CCDC68: variants seen among roughly 807,000 people sequenced by gnomAD.
The protein encoded by CCDC68 is coiled-coil domain-containing protein 68.
Under a neutral mutation model 47.1 loss-of-function variants are expected in CCDC68, and 45 were observed. That is an observed-to-expected ratio of 0.96 (90% CI 0.75 to 1.23). The LOEUF is 1.23. Among genes scored for constraint, CCDC68 ranks in the 50% most tolerant of loss-of-function variants. The pLI is 0.00. For missense variants in CCDC68, 353 were observed against 373.6 expected (o/e 0.94, Z 0.45); for synonymous variants, 131 against 129.5 (o/e 1.01, Z -0.08).
Position 54,916,006 on chromosome 18 carries a change from A to G in CCDC68, c.873+1907T>C, listed in dbSNP as rs370892106. On this transcript the variant is annotated intron_variant, in intron 10 of 11. Transcript: ENST00000591504. ...AAGAAAAAATATTTTATCAAGTAAC[A>G]TTTGCCAAAAAGCCACTAAGAAAGG... Among the ~76,000 whole-genome samples the G allele has an allele frequency of 1.4e-3, 209 of 152,288 alleles. No homozygotes were observed. The South Asian group carries it at 0.015, about 11-fold the overall frequency.
At chr18:54,912,060 A>C (rs1297496414) in intron 10 of CCDC68, among the ~76,000 whole-genome samples, 1 of 152,228 alleles carries the variant, frequency 6.6e-6, no homozygotes, top group African/African-American at 2.4e-5. Context: ...TTATTGACAT[A>C]GTTTTCACAA....
chr18:54,917,960 T>G lies in CCDC68; in HGVS notation c.826A>C (p.Lys276Gln). 1 of 1,566,622 alleles carries G rather than the reference T, an allele frequency of 6.4e-7. No individual in the cohort carries two copies. The change falls in exon 10 of 12, where the codon AAA (lysine) becomes CAA (glutamine). Residue 276 changes from lysine to glutamine, a missense_variant. Physicochemically the swap from Lys to Gln is moderately conservative, Grantham distance 53. Transcript: ENST00000591504. ...GLKNNLKEQDKRIENLREKVN... is the reference protein window; with the variant it reads ...GLKNNLKEQDQRIENLREKVN... ...TTTTCTCTGAGATTTTCAATTCTTT[T>G]GTCTTGTTCTTTTAAATTATTTTTT...
At chr18:54,936,005 TTGAG>T (rs1206246651) in intron 6 of CCDC68, among the ~76,000 whole-genome samples, 1 of 151,448 alleles carries the variant, frequency 6.6e-6, no homozygotes, top group Non-Finnish European at 1.5e-5. Context: ...AAGAATATGT[TTGAG>T]TGTCTGTACA....
chr18:54,941,235 T>G (rs1444020347), intron 3 of CCDC68, 152 bp from the exon 4 acceptor site: 1 of 593,870 alleles, frequency 1.7e-6, no homozygotes, highest in East Asian at 2.8e-5. Flanking sequence ...ACCATCAACC[T>G]AACTTGCATT....
intron 1 of CCDC68, among the ~76,000 whole-genome samples, chr18:54,946,145 T>A (rs1248508182): frequency 6.6e-6 from 1 of 152,184 alleles, no homozygotes; most frequent in Non-Finnish European, 1.5e-5. Flanking sequence ...TCAAGACACA[T>A]GAAAATTATA....
At chr18:54,930,614 C>CCTT (rs1291398392) in intron 7 of CCDC68, among the ~76,000 whole-genome samples, 31 of 56,496 alleles carry the variant, frequency 5.5e-4, no homozygotes, top group East Asian at 1.9e-3. Context: ...TTCCTTCCTT[C>CCTT]CCTTCCCTTC....
intron 10 of CCDC68, among the ~76,000 whole-genome samples, chr18:54,916,972 T>C (rs1399369460): frequency 6.6e-6 from 1 of 152,200 alleles, no homozygotes; most frequent in African/African-American, 2.4e-5. Context: ...ATGCAAGCTA[T>C]GGCTTCCACC....
intron 8 of CCDC68, among the ~76,000 whole-genome samples, chr18:54,923,767 A>C (rs2044101269): frequency 6.6e-6 from 1 of 151,858 alleles, no homozygotes; most frequent in Non-Finnish European, 1.5e-5. Context: ...CCTGAAGTGC[A>C]ATGATGCAAT....
intron 4 of CCDC68, among the ~76,000 whole-genome samples, chr18:54,939,732 C>T (rs748362720): frequency 6.6e-6 from 1 of 152,154 alleles, no homozygotes; most frequent in Non-Finnish European, 1.5e-5. Flanking sequence ...AGGGGTCCCG[C>T]CGTGCTTCTG....
At chr18:54,909,925 A>T (rs1036572301) in intron 10 of CCDC68, among the ~76,000 whole-genome samples, 3 of 152,218 alleles carry the variant, frequency 2.0e-5, no homozygotes, top group Admixed American at 6.5e-5. Flanking sequence ...TGCCTGCAAC[A>T]TGGCGAGCAA....
At chr18:54,916,647 TG>T (rs1243312845) in intron 10 of CCDC68, among the ~76,000 whole-genome samples, 1 of 152,048 alleles carries the variant, frequency 6.6e-6, no homozygotes, top group Non-Finnish European at 1.5e-5. Flanking sequence ...GGAGGTGCTG[TG>T]GGGTCTTCAG....
At chr18:54,915,644 A>G (rs1418377338) in intron 10 of CCDC68, among the ~76,000 whole-genome samples, 2 of 152,190 alleles carry the variant, frequency 1.3e-5, no homozygotes, top group African/African-American at 2.4e-5. Context: ...AATGTAAGAA[A>G]TAGGCCAGGC....
chr18:54,957,608 T>G (rs578079546), intron 1 of CCDC68, among the ~76,000 whole-genome samples: 1 of 133,784 alleles, frequency 7.5e-6, no homozygotes, highest in South Asian at 2.7e-4. Flanking sequence ...TCTAAAACAA[T>G]GTACACACAC....
intron 8 of CCDC68, 100 bp downstream of exon 8, chr18:54,928,700 T>C: frequency 1.4e-6 from 1 of 737,412 alleles, no homozygotes; most frequent in Non-Finnish European, 2.4e-6. Flanking sequence ...AGTCATCCTA[T>C]TTCTTTGGGG....
At chr18:54,950,897 C>CTT (rs869026740) in intron 1 of CCDC68, among the ~76,000 whole-genome samples, 3,399 of 61,956 alleles carry the variant, frequency 0.055, 825 homozygotes, top group Middle Eastern at 0.15. Flanking sequence ...ATTCAGATGT[C>CTT]TTTTTTTTTT....
Position 54,907,843 on chromosome 18 carries a change from T to C in CCDC68, c.893A>G (p.Gln298Arg). 1 of 1,606,160 alleles carries C rather than the reference T, an allele frequency of 6.2e-7. No individual in the cohort carries two copies. The highest frequency in any genetic ancestry group is 8.5e-7 in the Non-Finnish European group (1 of 1,172,830). Residue 298 changes from glutamine to arginine, a missense_variant, in exon 11 of 12, where the codon CAG (glutamine) becomes CGG (arginine). Coordinates refer to ENST00000591504, the MANE Select transcript of CCDC68 (RefSeq NM_025214.3). ...AGGAGTTTCAGATGAAAGTGCTACCTGGGTTTTTAGTTCTTTATTCTAAAA... is the reference window on the plus strand; with the variant it reads ...AGGAGTTTCAGATGAAAGTGCTACCCGGGTTTTTAGTTCTTTATTCTAAAA... ...LEAQNKELKT[Q>R]VALSSETPRT... is the part of the protein sequence containing the mutation.
At chr18:54,943,607 C>T (rs996147921) in intron 2 of CCDC68, among the ~76,000 whole-genome samples, 1 of 151,908 alleles carries the variant, frequency 6.6e-6, no homozygotes, top group African/African-American at 2.4e-5. Flanking sequence ...AATGACATAC[C>T]AGGAACTATT....
chr18:54,954,046 TTC>T (rs1331589519), intron 1 of CCDC68, among the ~76,000 whole-genome samples: 1 of 130,648 alleles, frequency 7.7e-6, no homozygotes, highest in East Asian at 2.4e-4. Flanking sequence ...CTTCCTTTCT[TTC>T]TTTCTTTCTT....
At chr18:54,936,544 G>A (rs375414675) in intron 6 of CCDC68, among the ~76,000 whole-genome samples, 1 of 152,086 alleles carries the variant, frequency 6.6e-6, no homozygotes, top group East Asian at 1.9e-4. Context: ...GCCCAGCTCC[G>A]CAGAGCCAGT....
Sources: gnomAD v4.1 joint callset for allele counts (sites outside exome capture counted in the v4.1 genomes callset) on GRCh38, gnomAD v4.1.1 for gene constraint, MANE v1.5 for transcripts, NCBI Gene and HGNC (gene_info 2026-07-23, HGNC 2026-07-21) for gene names.